TENM2: variants seen among roughly 807,000 people sequenced by gnomAD.
TENM2 encodes the protein teneurin transmembrane protein 2.
Under a neutral mutation model 245.2 loss-of-function variants are expected in TENM2, and 52 were observed. The observed-to-expected ratio is 0.21, with a 90% CI of 0.17 to 0.27. TENM2 has a LOEUF of 0.27. Among genes scored for constraint, TENM2 ranks in the 10% least tolerant of loss-of-function variants. The probability of loss-of-function intolerance (pLI) is 1.00; values close to 1 mark genes in which losing one functional copy is unlikely to be tolerated. For synonymous variants in TENM2, 1,363 were observed against 1,438.9 expected, an observed-to-expected ratio of 0.95 and a Z score of 1.19; for missense variants, 3,046 against 3,666.8, an observed-to-expected ratio of 0.83 and a Z score of 4.37.
In TENM2 at chr5:168,249,453, G is replaced by GGTGT. The variant is rs3084277; in HGVS notation, c.7432+1108_7432+1111dup. ...AATAAGACAAATACCGTTCTCTCAAGGTGTGTGTGTGTGTGTGTGTGTGTG... is the reference window on the plus strand; with the variant it reads ...AATAAGACAAATACCGTTCTCTCAAGGTGTGTGTGTGTGTGTGTGTGTGTGTGTG... On this transcript the variant is annotated intron_variant, in intron 27 of 28. Transcript: ENST00000518659. 7.1e-3 allele frequency among the ~76,000 whole-genome samples: 1,059 copies of GGTGT among 148,896 alleles called. 7 individuals carry two copies. Among genetic ancestry groups the GGTGT allele is most frequent in the South Asian group, 0.028 (131 of 4,726 alleles).
chr5:167,955,122 A>G (rs1780448359), intron 4 of TENM2, among the ~76,000 whole-genome samples: 1 of 152,142 alleles, frequency 6.6e-6, no homozygotes, highest in Admixed American at 6.5e-5. Flanking sequence ...CATCCTCTCC[A>G]GCATCTGTTG....
At chr5:168,126,638 CAG>C (rs766722589) in intron 11 of TENM2, 114 bp from the exon 14 acceptor site, 64 of 732,788 alleles carry the variant, frequency 8.7e-5, no homozygotes, top group Non-Finnish European at 1.3e-4. Flanking sequence ...CCAAAGATGA[CAG>C]AGCTGCTGGG....
chr5:168,054,605 C>A (rs1789384705), intron 6 of TENM2, among the ~76,000 whole-genome samples: 1 of 152,174 alleles, frequency 6.6e-6, no homozygotes, highest in Non-Finnish European at 1.5e-5. Context: ...TGAGTCCATT[C>A]CCTTTATCAC....
intron 2 of TENM2, among the ~76,000 whole-genome samples, chr5:167,807,411 A>C (rs1766288186): frequency 6.6e-6 from 1 of 152,122 alleles, no homozygotes; most frequent in Non-Finnish European, 1.5e-5. Context: ...ACATAGCACG[A>C]GATCAAGTAG....
chr5:167,592,284 C>G (rs1275885546), intron 2 of TENM2, among the ~76,000 whole-genome samples: 1 of 152,196 alleles, frequency 6.6e-6, no homozygotes, highest in Non-Finnish European at 1.5e-5. Context: ...TCTGATTCAT[C>G]AGTGGGCAAA....
chr5:167,486,015 A>G (rs780029631), intron 2 of TENM2, among the ~76,000 whole-genome samples: 2 of 152,176 alleles, frequency 1.3e-5, no homozygotes, highest in African/African-American at 2.4e-5. Context: ...AGTGTCTAGT[A>G]GAAATACCTC....
At chr5:168,098,813 A>G (rs1003352720) in intron 9 of TENM2, among the ~76,000 whole-genome samples, 2 of 152,194 alleles carry the variant, frequency 1.3e-5, no homozygotes, top group Non-Finnish European at 2.9e-5. Flanking sequence ...ACACAGACAC[A>G]TAGACACACA....
In TENM2 at chr5:168,037,239, T is replaced by C. The variant is rs190382060; in HGVS notation, c.1187-10188T>C. ...AGAAATTAAAAATTGAAAAGGACTC[T>C]GGCAGCCTCCCCATGTGCCTAATTT... On this transcript the variant is annotated intron_variant, in intron 5 of 28. Transcript: ENST00000518659. Among the ~76,000 whole-genome samples, 12 of 152,324 alleles carry C rather than the reference T, an allele frequency of 7.9e-5. 1 individual carries two copies. The East Asian group carries it at 2.3e-3, about 29-fold the overall frequency.
At chr5:167,974,475 G>C (rs956951992) in intron 4 of TENM2, among the ~76,000 whole-genome samples, 3 of 152,062 alleles carry the variant, frequency 2.0e-5, no homozygotes, top group Non-Finnish European at 2.9e-5. Flanking sequence ...GGAACTAGAA[G>C]GAAAGAGATA....
chr5:168,036,986 C>T (rs1257194923), intron 5 of TENM2, among the ~76,000 whole-genome samples: 2 of 151,938 alleles, frequency 1.3e-5, no homozygotes, highest in Admixed American at 1.3e-4. Context: ...AGGAGGACTA[C>T]CCCTTGCCTG....
chr5:167,657,604 G>T (rs112608977), intron 2 of TENM2, among the ~76,000 whole-genome samples: 1 of 152,140 alleles, frequency 6.6e-6, no homozygotes, highest in East Asian at 1.9e-4. Context: ...TTAATACAAT[G>T]TCATTTAGAG....
At chr5:167,328,046 G>A (rs1301090775) in intron 1 of TENM2, among the ~76,000 whole-genome samples, 1 of 152,006 alleles carries the variant, frequency 6.6e-6, no homozygotes, top group Non-Finnish European at 1.5e-5. Flanking sequence ...GGATATAGTG[G>A]AATGGTGCAC....
chr5:168,241,503 C>G (rs1766100128), intron 25 of TENM2, among the ~76,000 whole-genome samples: 1 of 150,606 alleles, frequency 6.6e-6, no homozygotes, highest in South Asian at 2.1e-4. Flanking sequence ...CTCAGGTGAT[C>G]TGCCAATCTC....
At chr5:167,400,028 G>A (rs964082848) in intron 2 of TENM2, among the ~76,000 whole-genome samples, 2 of 152,252 alleles carry the variant, frequency 1.3e-5, no homozygotes, top group Admixed American at 1.3e-4. Context: ...TTAATCCTGA[G>A]CCAGCTCTTG....
chr5:168,172,514 A>G (rs1758937339), intron 13 of TENM2, among the ~76,000 whole-genome samples: 1 of 152,150 alleles, frequency 6.6e-6, no homozygotes, highest in South Asian at 2.1e-4. Flanking sequence ...GGCTTGTCCA[A>G]GCTCCCACGG....
chr5:167,471,118 A>T (rs144422518), intron 2 of TENM2, among the ~76,000 whole-genome samples: 1 of 152,340 alleles, frequency 6.6e-6, no homozygotes, highest in African/African-American at 2.4e-5. Context: ...GGATCCCCTA[A>T]CTTAGAAAGC....
chr5:167,906,013 A>T (rs1776060400), intron 3 of TENM2, among the ~76,000 whole-genome samples: 1 of 152,148 alleles, frequency 6.6e-6, no homozygotes, highest in Admixed American at 6.5e-5. Flanking sequence ...GAGCACTTTC[A>T]TCTAGCTTTT....
chr5:167,210,850 T>A, the TENM2 span, among the ~76,000 whole-genome samples: 1 of 152,188 alleles, frequency 6.6e-6, no homozygotes, highest in Non-Finnish European at 1.5e-5. Flanking sequence ...CAGCAGTAGA[T>A]TAAATAAACA....
intron 2 of TENM2, among the ~76,000 whole-genome samples, chr5:167,852,650 T>C (rs1770688237): frequency 6.6e-6 from 1 of 152,246 alleles, no homozygotes; most frequent in Admixed American, 6.5e-5. Context: ...TTGGTGTATT[T>C]TTGCTTTCGT....
Sources: allele counts gnomAD v4.1 joint callset (sites outside exome capture counted in the v4.1 genomes callset), GRCh38; gene constraint gnomAD v4.1.1; transcripts MANE v1.5; gene names NCBI Gene and HGNC (gene_info 2026-07-23, HGNC 2026-07-21).